The following ADGRV1 variants were observed in gnomAD, a reference collection of about 807,000 sequenced individuals.
ADGRV1 encodes adhesion G protein-coupled receptor V1, also known as G-protein coupled receptor 98.
A neutral mutation model predicts 596.2 loss-of-function variants in ADGRV1; 359 were observed. The observed-to-expected ratio is 0.60, with a 90% CI of 0.55 to 0.66. The LOEUF is 0.66. Among genes scored for constraint, ADGRV1 ranks in the 30% least tolerant of loss-of-function variants. ADGRV1 has a pLI of 0.00. For synonymous variants in ADGRV1, 2,681 were observed against 2,679.2 expected (o/e 1.00, Z -0.02); for missense variants, 7,274 against 7,575.6 (o/e 0.96, Z 1.48).
intron 87 of ADGRV1, among the ~76,000 whole-genome samples, chr5:91,129,758 T>G (rs1283418695): frequency 6.6e-6 from 1 of 152,170 alleles, no homozygotes; most frequent in Non-Finnish European, 1.5e-5. Context: ...TAGAAATACT[T>G]TATTTGACAT....
At chr5:90,607,924 T>G (rs1252404006) in intron 1 of ADGRV1, among the ~76,000 whole-genome samples, 1 of 152,090 alleles carries the variant, frequency 6.6e-6, no homozygotes, top group Non-Finnish European at 1.5e-5. Flanking sequence ...TTTTGTTAAT[T>G]TAGAGGTAAC....
intron 85 of ADGRV1, among the ~76,000 whole-genome samples, chr5:91,035,844 G>GTATATATATATATATATA (rs369415276): frequency 5.8e-5 from 2 of 34,738 alleles, no homozygotes; most frequent in African/African-American, 1.3e-4. Flanking sequence ...AAATGAGTGT[G>GTATATATATATATATATA]TATATATATA....
chr5:90,595,391 AC>A (rs1370140649), intron 1 of ADGRV1, among the ~76,000 whole-genome samples: 1 of 16,072 alleles, frequency 6.2e-5, no homozygotes. Flanking sequence ...TGGGGGGCTG[AC>A]CCCCCCACCT....
chr5:90,988,313 C>G (rs536174943), intron 85 of ADGRV1, among the ~76,000 whole-genome samples: 16 of 152,274 alleles, frequency 1.1e-4, no homozygotes, highest in African/African-American at 3.4e-4. Flanking sequence ...AGATAGTGTG[C>G]ATGTCTGCAT....
intron 83 of ADGRV1, among the ~76,000 whole-genome samples, chr5:90,922,089 G>T: frequency 6.6e-6 from 1 of 152,172 alleles, no homozygotes; most frequent in East Asian, 1.9e-4. Context: ...ATAGACTTTG[G>T]TGGACAGTCC....
In ADGRV1 at chr5:90,627,263, G is replaced by T. The variant is rs1764887763; in HGVS notation, c.725G>T (p.Gly242Val). Residue 242 changes from glycine to valine, a missense_variant, in exon 7 of 90, where the codon GGA (glycine) becomes GTA (valine). Gly to Val is a moderately radical substitution (Grantham distance 109, BLOSUM62 -3). Transcript: ENST00000405460. ...FLIQLKSVEG[G>V]AEINTSRNSI... ...ATTCAACTGAAAAGTGTAGAAGGAG[G>T]AGCTGAGATTAACACCTCTAGGAAT... The T allele has an allele frequency of 6.3e-7, 1 of 1,594,064 alleles. No homozygotes were observed. The highest frequency in any genetic ancestry group is 1.3e-5 in the African/African-American group (1 of 74,242).
Position 90,810,596 on chromosome 5 carries a change from C to A in ADGRV1, c.15336C>A (p.Arg5112=). The A allele has an allele frequency of 6.2e-7, 1 of 1,613,892 alleles. No homozygotes were observed. Among genetic ancestry groups the A allele is most frequent in the Non-Finnish European group, 8.5e-7 (1 of 1,179,866 alleles). Reference sequence around the variant, plus strand: ...AGTTTGATGTTAATTGGAGCCCACGCCTGAATCTAGATTTCAGTGTTGCAG... The same window carrying A: ...AGTTTGATGTTAATTGGAGCCCACGACTGAATCTAGATTTCAGTGTTGCAG... The part of the protein sequence containing the change: ...LQKFDVNWSP[R]LNLDFSVAVI... The change falls in exon 74 of 90, where the codon CGC becomes CGA. Residue 5112 remains arginine, a synonymous_variant. Transcript: ENST00000405460.
At position 90,692,777 on chromosome 5, in the gene ADGRV1, T is replaced by C; in HGVS notation, c.7124T>C (p.Val2375Ala). The change falls in exon 32 of 90, where the codon GTC (valine) becomes GCC (alanine). Residue 2375 changes from valine to alanine, a missense_variant. Transcript: ENST00000405460. The part of the protein sequence containing the change: ...LERSSCANIT[V>A]RRSGGHFGRL... ...AGAAGTTCCTGTGCTAATATAACTG[T>C]CAGGCGAAGGTATATGAGATAGCTA... The C allele has an allele frequency of 6.3e-7, 1 of 1,594,894 alleles. No individual in the cohort carries two copies. The highest frequency in any genetic ancestry group is 8.5e-7 in the Non-Finnish European group (1 of 1,170,550).
At chr5:90,782,993 A>T (rs1759020703) in intron 65 of ADGRV1, 131 bp from the exon 66 acceptor site, 1 of 709,890 alleles carries the variant, frequency 1.4e-6, no homozygotes, top group African/African-American at 1.8e-5. Context: ...CTTTAAAATG[A>T]TAAAAGAACT....
rs555929185 is a variant in ADGRV1, at chr5:90,769,628, GT to G, written c.12286-4555del. Among the ~76,000 whole-genome samples, 472 of 151,984 alleles carry G rather than the reference GT, an allele frequency of 3.1e-3. 4 individuals are homozygous for G. The highest frequency in any genetic ancestry group is 0.011 in the African/African-American group (453 of 41,460). On this transcript the variant is annotated intron_variant, in intron 59 of 89. Transcript: ENST00000405460. ...TGCAGTTTGAATTCTGTATTTTATT[GT>G]TTCTCATGAACATTGTAGTTTTGCA...
chr5:90,635,306 C>G lies in ADGRV1; in HGVS notation c.2016+16C>G. ...TGCTGAAGTGGTAAGTAGGCTCTTTCTTACTGATGGGGGCTAATGAGTATG... is the reference window on the plus strand; with the variant it reads ...TGCTGAAGTGGTAAGTAGGCTCTTTGTTACTGATGGGGGCTAATGAGTATG... On this transcript the variant is annotated intron_variant, in intron 10 of 89. Transcript: ENST00000405460. 6.3e-7 allele frequency: 1 copy of G among 1,597,074 alleles called. No homozygotes were observed. Among genetic ancestry groups the G allele is most frequent in the Non-Finnish European group, 8.5e-7 (1 of 1,171,970 alleles).
At position 90,558,818 on chromosome 5, in the gene ADGRV1, G is replaced by T; in HGVS notation, c.-78G>T. The T allele has an allele frequency of 7.1e-7, 1 of 1,404,692 alleles. No homozygotes were observed. The highest frequency in any genetic ancestry group is 9.9e-7 in the Non-Finnish European group (1 of 1,012,508). 87.0% of individuals were successfully genotyped at this position (1,404,692 alleles called of 1,614,324 possible). A position where few individuals can be genotyped will look rare whatever the true frequency, so the allele number is the denominator to read the frequency against. On this transcript the variant is annotated 5_prime_UTR_variant, in exon 1 of 90. Coordinates refer to ENST00000405460, the MANE Select transcript of ADGRV1 (RefSeq NM_032119.4). ...TAGTGGTAGTAAGAATCAGCAGCGC[G>T]GGCAAGGAGTACGGACGGGAGTCAG... is the stretch of plus-strand genomic sequence containing the variant.
intron 84 of ADGRV1, among the ~76,000 whole-genome samples, chr5:90,970,536 C>T (rs1437596612): frequency 6.6e-5 from 6 of 90,286 alleles, no homozygotes; most frequent in Middle Eastern, 5.1e-3. Flanking sequence ...TCCAGAGGAA[C>T]GATGAGGCAG....
Position 90,706,140 on chromosome 5 carries a change from G to C in ADGRV1, c.8567-91G>C. 5 of 1,081,708 alleles carry C rather than the reference G, an allele frequency of 4.6e-6. No homozygotes were observed. The South Asian group carries it at 8.7e-5, about 19-fold the overall frequency. 67.0% of individuals were successfully genotyped at this position (1,081,708 alleles called of 1,614,324 possible). Reference sequence around the variant, plus strand: ...GGGACCAATAATACTAGCTACTAAAGGTGCTTTTAGGAAAGGCAAAAAATT... The same window carrying C: ...GGGACCAATAATACTAGCTACTAAACGTGCTTTTAGGAAAGGCAAAAAATT... On this transcript the variant is annotated intron_variant, in intron 37 of 89. Coordinates refer to ENST00000405460, the MANE Select transcript of ADGRV1 (RefSeq NM_032119.4).
intron 73 of ADGRV1, among the ~76,000 whole-genome samples, chr5:90,809,647 C>A (rs1762257837): frequency 6.6e-6 from 1 of 152,108 alleles, no homozygotes; most frequent in African/African-American, 2.4e-5. Context: ...AGAATTAGGC[C>A]GAGAGACCAG....
At position 91,153,390 on chromosome 5, in the gene ADGRV1, TA is replaced by T; in HGVS notation, c.18799del (p.Thr6267LeufsTer22). ...SQEFDDLIFA[L>X]KTGAGLSVSD... The stretch of plus-strand genomic sequence containing the variant: ...GAGTTTGATGATTTAATATTTGCAT[TA>T]AAAACTGGTATGTATGAACCCATGA... On this transcript the variant is annotated frameshift_variant, in exon 89 of 90. Transcript: ENST00000405460. LOFTEE classifies it high-confidence loss of function. The T allele has an allele frequency of 6.2e-7, 1 of 1,600,682 alleles. No homozygotes were observed. Among genetic ancestry groups the T allele is most frequent in the Non-Finnish European group, 8.5e-7 (1 of 1,172,910 alleles).
Position 91,014,136 on chromosome 5 carries a change from C to CCCCACACACACACACACACACACACA in ADGRV1, c.18152+28615_18152+28616insCCACACACACACACACACACACACAC, listed in dbSNP as rs757029909. ...TCATAGGCAATCCCATTCACAATTG[C>CCCCACACACACACACACACACACACA]CACACACACACACACACACACACAC... is the stretch of plus-strand genomic sequence containing the variant. On this transcript the variant is annotated intron_variant, in intron 85 of 89. Coordinates refer to ENST00000405460, the MANE Select transcript of ADGRV1 (RefSeq NM_032119.4). Among the ~76,000 whole-genome samples, 95 of 35,682 alleles carry CCCCACACACACACACACACACACACA rather than the reference C, an allele frequency of 2.7e-3. 3 individuals are homozygous for CCCCACACACACACACACACACACACA. In the East Asian group the frequency reaches 0.031, roughly 12 times the overall value. The allele number at this position is 35,682 out of a possible 152,430, so 23.4% of individuals were successfully genotyped here. A position where few individuals can be genotyped will look rare whatever the true frequency, so the allele number is the denominator to read the frequency against.
chr5:90,739,451 A>G (rs1753678511), intron 50 of ADGRV1, among the ~76,000 whole-genome samples: 1 of 152,124 alleles, frequency 6.6e-6, no homozygotes, highest in African/African-American at 2.4e-5. Context: ...ATAGAACTTC[A>G]CTATTTAGTC....
Position 90,627,250 on chromosome 5 carries a change from A to C in ADGRV1, c.712A>C (p.Ser238Arg), listed in dbSNP as rs1764885634. The change falls in exon 7 of 90, where the codon AGT becomes CGT. Residue 238 changes from serine (S) to arginine (R), a missense_variant. By Grantham distance (110) the Ser-to-Arg change is moderately radical (BLOSUM62 -1). Around this residue, in one of 5 missense-constraint regions of ADGRV1, gnomAD observed 1,715 missense variants for 1,708.8 expected, o/e 1.00. Coordinates refer to ENST00000405460, the MANE Select transcript of ADGRV1 (RefSeq NM_032119.4). ...NDEIFLIQLK[S>R]VEGGAEINTS... ...TGAAATATTTTTAATTCAACTGAAA[A>C]GTGTAGAAGGAGGAGCTGAGATTAA... The C allele has an allele frequency of 1.3e-6, 2 of 1,565,546 alleles. No homozygotes were observed. The highest frequency in any genetic ancestry group is 2.7e-5 in the African/African-American group (2 of 73,052).
Sources: allele counts gnomAD v4.1 joint callset (sites outside exome capture counted in the v4.1 genomes callset), GRCh38; gene constraint gnomAD v4.1.1; regional missense constraint gnomAD v4.1.1; transcripts MANE v1.5; gene names NCBI Gene and HGNC (gene_info 2026-07-23, HGNC 2026-07-21).